PRELID3B: variants seen among roughly 807,000 people sequenced by gnomAD.
PRELID3B encodes the protein PRELI domain containing 3B.
In PRELID3B, 15 loss-of-function variants were observed where a neutral mutation model predicts 24.0. The observed-to-expected ratio is 0.63, with a 90% confidence interval of 0.42 to 0.96. PRELID3B has a LOEUF of 0.96. PRELID3B is among the 40% of genes least tolerant of loss of function. The pLI is 0.00. For synonymous variants in PRELID3B, 62 were observed against 76.0 expected (o/e 0.82, Z 0.96); for missense variants, 189 against 236.0 (o/e 0.80, Z 1.30).
chr20:59,037,520 G>C (rs1382809288), intron 2 of PRELID3B, among the ~76,000 whole-genome samples: 1 of 152,232 alleles, frequency 6.6e-6, no homozygotes, highest in African/African-American at 2.4e-5. Flanking sequence ...CACTGAGAAC[G>C]TCTGCAACGT....
In PRELID3B at chr20:59,038,630, G is replaced by C; in HGVS notation, c.37C>G (p.Pro13Ala). Residue 13 changes from proline to alanine, a missense_variant, in exon 2 of 6, where the codon CCG becomes GCG. Coordinates refer to ENST00000355937, the MANE Select transcript of PRELID3B (RefSeq NM_016045.3). ...GCAGCTGTTGTAACAGTTTCCCACGGGTGGCTGCCGATGTGAACCAAAAAA... is the reference window on the plus strand; with the variant it reads ...GCAGCTGTTGTAACAGTTTCCCACGCGTGGCTGCCGATGTGAACCAAAAAA... ...IWTSEHVFDH[P>A]WETVTTAAMQ... 1 of 1,581,304 alleles carries C rather than the reference G, an allele frequency of 6.3e-7. No homozygotes were observed. The highest frequency in any genetic ancestry group is 1.8e-5 in the Admixed American group (1 of 55,388).
In PRELID3B at chr20:59,038,606, C is replaced by T. The variant is rs2092090591; in HGVS notation, c.61G>A (p.Ala21Thr). ...DHPWETVTTA[A>T]MQKYPNPMNP... Reference sequence around the variant, plus strand: ...ATAGGGTTTGGGTATTTCTGCATTGCAGCTGTTGTAACAGTTTCCCACGGG... The same window carrying T: ...ATAGGGTTTGGGTATTTCTGCATTGTAGCTGTTGTAACAGTTTCCCACGGG... The change falls in exon 2 of 6, where the codon GCA becomes ACA. Residue 21 changes from alanine (A) to threonine (T), a missense_variant. Coordinates refer to ENST00000355937, the MANE Select transcript of PRELID3B (RefSeq NM_016045.3). The T allele has an allele frequency of 6.2e-7, 1 of 1,607,750 alleles. No homozygotes were observed. Among genetic ancestry groups the T allele is most frequent in the Non-Finnish European group, 8.5e-7 (1 of 1,178,304 alleles).
Position 59,036,715 on chromosome 20 carries a change from T to C in PRELID3B, c.337A>G (p.Lys113Glu). 6.2e-7 allele frequency: 1 copy of C among 1,601,472 alleles called. No individual in the cohort carries two copies. The highest frequency in any genetic ancestry group is 8.5e-7 in the Non-Finnish European group (1 of 1,170,416). ...TTTTCTGGATCCTGAGGATGTGGTT[T>C]GTATATAAGTCTCTCATCTACTGAA... is the stretch of plus-strand genomic sequence containing the variant. ...MVSVDERLIY[K>E]PHPQDPEKTV... Residue 113 changes from lysine to glutamate, a missense_variant, in exon 4 of 6, where the codon AAA (lysine) becomes GAA (glutamate). Lys to Glu is a moderately conservative substitution (Grantham distance 56). Transcript: ENST00000355937.
chr20:59,036,212 C>T (rs2092070984), intron 5 of PRELID3B, among the ~76,000 whole-genome samples: 1 of 152,168 alleles, frequency 6.6e-6, no homozygotes, highest in Non-Finnish European at 1.5e-5. Flanking sequence ...CACGCCAACC[C>T]TGTAAAACGG....
Position 59,040,651 on chromosome 20 carries a change from G to C in PRELID3B, c.33-2017C>G, listed in dbSNP as rs2092104041. On this transcript the variant is annotated intron_variant, in intron 1 of 5. Transcript: ENST00000355937. This position sits in a 1 kb window ranked among gnomAD's most constrained non-coding sequence, Gnocchi z 4.1. ...CATTGTTAGAGAGTGACATCCTAAAGATCAGAAACAACGCTCAGATTTGTC... is the reference window on the plus strand; with the variant it reads ...CATTGTTAGAGAGTGACATCCTAAACATCAGAAACAACGCTCAGATTTGTC... Among the ~76,000 whole-genome samples, 2 of 152,222 alleles carry C rather than the reference G, an allele frequency of 1.3e-5. No homozygotes were observed. The highest frequency in any genetic ancestry group is 4.1e-4 in the South Asian group (2 of 4,832).
Position 59,040,878 on chromosome 20 carries a change from G to T in PRELID3B, c.32+1821C>A, listed in dbSNP as rs1156362562. 6.6e-6 allele frequency among the ~76,000 whole-genome samples: 1 copy of T among 152,138 alleles called. No homozygotes were observed. Among genetic ancestry groups the T allele is most frequent in the Non-Finnish European group, 1.5e-5 (1 of 68,030 alleles). On this transcript the variant is annotated intron_variant, in intron 1 of 5. Transcript: ENST00000355937. The surrounding 1 kb of genome is among the most constrained non-coding windows in gnomAD (Gnocchi z 4.1). ...ACAGCTCAGATTATGTGGGGAGAAA[G>T]CACGGATCAGGGCTGCTTCTCCCAG...
chr20:59,041,952 A>G (rs541181155), intron 1 of PRELID3B, among the ~76,000 whole-genome samples: 1 of 152,216 alleles, frequency 6.6e-6, no homozygotes, highest in Non-Finnish European at 1.5e-5. Context: ...AGAGAATATA[A>G]TTCTCCACAT....
chr20:59,042,600 C>T, intron 1 of PRELID3B, 99 bp downstream of exon 1: 2 of 1,379,996 alleles, frequency 1.4e-6, no homozygotes, highest in Non-Finnish European at 2.0e-6. Context: ...CTCGCTAGGC[C>T]CGACGCCTAG....
chr20:59,036,785 A>AT, intron 3 of PRELID3B, 25 bp from the exon 4 acceptor site: 1 of 1,413,468 alleles, frequency 7.1e-7, no homozygotes, highest in Non-Finnish European at 9.7e-7. Context: ...AAAAAAAAAA[A>AT]GATCAAATCA....
chr20:59,035,640 C>T (rs890592688), intron 5 of PRELID3B, among the ~76,000 whole-genome samples: 1 of 152,224 alleles, frequency 6.6e-6, no homozygotes, highest in African/African-American at 2.4e-5. Flanking sequence ...TCGCAATCCA[C>T]CTGCCCCCAT....
Position 59,038,450 on chromosome 20 carries a change from A to G in PRELID3B, c.201+16T>C. On this transcript the variant is annotated intron_variant, in intron 2 of 5. Coordinates refer to ENST00000355937, the MANE Select transcript of PRELID3B (RefSeq NM_016045.3). ...CTACAGCAGTCACATTTCTCCGGGA[A>G]TAAAGACACACTTACAGACTTCACA... 3 of 1,605,998 alleles carry G rather than the reference A, an allele frequency of 1.9e-6. No individual in the cohort carries two copies. Among genetic ancestry groups the G allele is most frequent in the Non-Finnish European group, 2.6e-6 (3 of 1,175,182 alleles).
chr20:59,037,190 C>G lies in PRELID3B; in HGVS notation c.291+1G>C. On this transcript the variant is annotated splice_donor_variant, in intron 3 of 5. Transcript: ENST00000355937. LOFTEE classifies it high-confidence loss of function. Reference sequence around the variant, plus strand: ...TGAAACAAAAGGGAGCCAAGACTTACATTAGTAGATTTAAGTTCCATTGTT... The same window carrying G: ...TGAAACAAAAGGGAGCCAAGACTTAGATTAGTAGATTTAAGTTCCATTGTT... The G allele has an allele frequency of 6.2e-7, 1 of 1,605,140 alleles. No individual in the cohort carries two copies. The highest frequency in any genetic ancestry group is 8.5e-7 in the Non-Finnish European group (1 of 1,172,396).
At chr20:59,037,134 G>T in intron 3 of PRELID3B, 57 bp downstream of exon 3, 2 of 1,284,174 alleles carry the variant, frequency 1.6e-6, no homozygotes, top group Non-Finnish European at 2.2e-6. Flanking sequence ...AACTAGGAGA[G>T]GGACAAAGAA....
rs2092059976 is a variant in PRELID3B, at chr20:59,034,945, A to G, written c.*62T>C. 7.1e-7 allele frequency: 1 copy of G among 1,402,690 alleles called. No individual in the cohort carries two copies. The highest frequency in any genetic ancestry group is 1.5e-5 in the African/African-American group (1 of 68,298). The allele number at this position is 1,402,690 out of a possible 1,614,324, so 86.9% of individuals were successfully genotyped here. On this transcript the variant is annotated 3_prime_UTR_variant, in exon 6 of 6. Transcript: ENST00000355937. ...TATAGTTGTATTTTTAAAATAACAA[A>G]TAAATATATAGTCAGTTTGGAGAGA...
chr20:59,042,268 AG>A (rs2092115414), intron 1 of PRELID3B, among the ~76,000 whole-genome samples: 1 of 152,262 alleles, frequency 6.6e-6, no homozygotes, highest in South Asian at 2.1e-4. Context: ...GGCCAGGGAA[AG>A]TACACTCTGG....
chr20:59,041,490 A>G (rs2092109883), intron 1 of PRELID3B, among the ~76,000 whole-genome samples: 1 of 152,188 alleles, frequency 6.6e-6, no homozygotes, highest in Non-Finnish European at 1.5e-5. Flanking sequence ...AGGCGGGCGA[A>G]TCACCTGAGG....
Position 59,036,773 on chromosome 20 carries a change from GAAAAAA to G in PRELID3B, c.292-19_292-14del. On this transcript the variant is annotated splice_polypyrimidine_tract_variant and intron_variant, in intron 3 of 5. Coordinates refer to ENST00000355937, the MANE Select transcript of PRELID3B (RefSeq NM_016045.3). ...TTGTAAATGAAATCTACAGAATGAA[GAAAAAA>G]AAAAAAGATCAAATCATTTTGGAAC... 9.0e-7 allele frequency: 1 copy of G among 1,109,602 alleles called. No homozygotes were observed. The highest frequency in any genetic ancestry group is 2.9e-4 in the Middle Eastern group (1 of 3,436). 68.7% of individuals were successfully genotyped at this position (1,109,602 alleles called of 1,614,324 possible).
At chr20:59,038,921 A>T (rs1351537122) in intron 1 of PRELID3B, among the ~76,000 whole-genome samples, 1 of 152,242 alleles carries the variant, frequency 6.6e-6, no homozygotes, top group Non-Finnish European at 1.5e-5. Flanking sequence ...CCACTTTCAC[A>T]TGTAAATTGT....
chr20:59,040,262 T>C lies in PRELID3B; in HGVS notation c.33-1628A>G, dbSNP rs1022056367. 2.6e-5 allele frequency among the ~76,000 whole-genome samples: 4 copies of C among 152,244 alleles called. No homozygotes were observed. The highest frequency in any genetic ancestry group is 9.6e-5 in the African/African-American group (4 of 41,462). ...ACATTACAAACAATACTTATTATGA[T>C]TAATCTTCCAGCAATTAATCTGAGC... is the stretch of plus-strand genomic sequence containing the variant. On this transcript the variant is annotated intron_variant, in intron 1 of 5. Transcript: ENST00000355937. This position sits in a 1 kb window ranked among gnomAD's most constrained non-coding sequence, Gnocchi z 4.1.
Sources: gnomAD v4.1 joint callset for allele counts (sites outside exome capture counted in the v4.1 genomes callset) on GRCh38, gnomAD v4.1.1 for gene constraint, Gnocchi (gnomAD v3.1) non-coding constraint, MANE v1.5 for transcripts, NCBI Gene and HGNC (gene_info 2026-07-23, HGNC 2026-07-21) for gene names.